CNTLN: variants seen among roughly 807,000 people sequenced by gnomAD.
CNTLN encodes centlein.
CNTLN carries 212 observed loss-of-function variants against 180.0 expected under a neutral mutation model. The ratio of observed to expected loss-of-function variants is 1.18; its 90% CI spans 1.05 to 1.32. The LOEUF is 1.32. Ranked by LOEUF, CNTLN falls within the 40% of genes most tolerant of loss-of-function variation. The pLI, the probability that CNTLN is intolerant of heterozygous loss-of-function variation, is 0.00. For missense variants in CNTLN, 2,095 were observed against 1,610.9 expected, an observed-to-expected ratio of 1.30 and a Z score of -5.14; for synonymous variants, 722 against 563.1, an observed-to-expected ratio of 1.28 and a Z score of -3.99.
At chr9:17,318,184 C>T (rs974372443) in intron 8 of CNTLN, among the ~76,000 whole-genome samples, 4 of 151,932 alleles carry the variant, frequency 2.6e-5, no homozygotes, top group South Asian at 4.2e-4. Flanking sequence ...CCCACCACCA[C>T]GCCCGGCTAA....
chr9:17,139,746 C>A (rs1253105824), intron 1 of CNTLN, among the ~76,000 whole-genome samples: 1 of 151,960 alleles, frequency 6.6e-6, no homozygotes, highest in Non-Finnish European at 1.5e-5. Context: ...CCTCTGTCAC[C>A]CACGCTGGAG....
In CNTLN at chr9:17,394,887, C is replaced by T. The variant is rs2133727264; in HGVS notation, c.2433C>T (p.Thr811=). 1 of 1,613,992 alleles carries T rather than the reference C, an allele frequency of 6.2e-7. No individual in the cohort carries two copies. Among genetic ancestry groups the T allele is most frequent in the Non-Finnish European group, 8.5e-7 (1 of 1,179,956 alleles). ...SADRAKSEMA[T]MKVRSGRYDC... is the part of the protein sequence containing the mutation. The stretch of plus-strand genomic sequence containing the variant: ...ACAGAGCTAAATCCGAGATGGCCAC[C>T]ATGAAAGTGAGATCTGGACGATATG... Residue 811 remains threonine (T), a synonymous_variant, in exon 15 of 26, where the codon ACC becomes ACT. Transcript: ENST00000380647.
rs1349360348 is a variant in CNTLN at position 17,226,306 on chromosome 9, A to G, written c.534+19A>G. ...TGAACAGGTTGGTGTTATAATAAAA[A>G]TATTTAAATTAACTATATTTGTTTT... is the stretch of plus-strand genomic sequence containing the variant. On this transcript the variant is annotated intron_variant, in intron 3 of 25. Transcript: ENST00000380647. The G allele has an allele frequency of 2.2e-6, 3 of 1,358,920 alleles. No individual in the cohort carries two copies. The highest frequency in any genetic ancestry group is 3.0e-5 in the African/African-American group (2 of 65,938). The allele number at this position is 1,358,920 out of a possible 1,614,324, so 84.2% of individuals were successfully genotyped here.
intron 18 of CNTLN, among the ~76,000 whole-genome samples, chr9:17,442,903 A>C (rs1447919349): frequency 6.6e-6 from 1 of 152,202 alleles, no homozygotes; most frequent in African/African-American, 2.4e-5. Flanking sequence ...ACAATAAAAA[A>C]GGTAAAAATT....
Position 17,416,204 on chromosome 9 carries a change from A to T in CNTLN, c.3114+15A>T. On this transcript the variant is annotated intron_variant, in intron 18 of 25. Transcript: ENST00000380647. ...AGACAATAAAGGTAAAGAGAACTTT[A>T]AGATTGAACAGTAGTATACTATATT... 1 of 1,578,972 alleles carries T rather than the reference A, an allele frequency of 6.3e-7. No homozygotes were observed. The highest frequency in any genetic ancestry group is 1.1e-5 in the South Asian group (1 of 89,336).
intron 8 of CNTLN, among the ~76,000 whole-genome samples, chr9:17,312,737 C>G (rs1819285128): frequency 1.3e-5 from 2 of 152,058 alleles, no homozygotes; most frequent in African/African-American, 4.8e-5. Context: ...GTCATAAAGC[C>G]AAGCATATTG....
intron 2 of CNTLN, among the ~76,000 whole-genome samples, chr9:17,190,836 A>T (rs1381202580): frequency 6.6e-6 from 1 of 152,194 alleles, no homozygotes; most frequent in Admixed American, 6.5e-5. Flanking sequence ...ATTAAGAACT[A>T]CCAGGGAGTT....
chr9:17,373,846 G>C (rs984357130), intron 13 of CNTLN, among the ~76,000 whole-genome samples: 2 of 152,076 alleles, frequency 1.3e-5, no homozygotes, highest in African/African-American at 4.8e-5. Flanking sequence ...TGACAGCGTT[G>C]CCAAGACATA....
At chr9:17,336,545 T>C (rs150874695) in intron 10 of CNTLN, among the ~76,000 whole-genome samples, 1,906 of 152,318 alleles carry the variant, frequency 0.013, 49 homozygotes, top group African/African-American at 0.043. Context: ...GATTTTTTCT[T>C]ATGAATTATG....
At chr9:17,257,980 A>G (rs1453257023) in intron 5 of CNTLN, among the ~76,000 whole-genome samples, 9 of 149,080 alleles carry the variant, frequency 6.0e-5, no homozygotes, top group Non-Finnish European at 1.2e-4. Context: ...TCTTTAGTTT[A>G]ATTAGATCCC....
chr9:17,358,378 T>C (rs2133360546), intron 12 of CNTLN, among the ~76,000 whole-genome samples: 1 of 152,212 alleles, frequency 6.6e-6, no homozygotes, highest in African/African-American at 2.4e-5. Context: ...ACAGTATATA[T>C]ACTATGATAT....
intron 18 of CNTLN, among the ~76,000 whole-genome samples, chr9:17,443,439 T>G (rs930207562): frequency 6.6e-6 from 1 of 152,216 alleles, no homozygotes; most frequent in Non-Finnish European, 1.5e-5. Context: ...GAAGTTGTAT[T>G]ACAATTTCAG....
chr9:17,153,703 C>T (rs1302035314), intron 2 of CNTLN, among the ~76,000 whole-genome samples: 1 of 152,268 alleles, frequency 6.6e-6, no homozygotes, highest in Admixed American at 6.5e-5. Flanking sequence ...GTTGTCCTGT[C>T]TTGCTAGGTT....
rs76299128 is a variant in CNTLN, at chr9:17,208,123, G to C, written c.450-18080G>C. 0.022 allele frequency among the ~76,000 whole-genome samples: 3,331 copies of C among 152,100 alleles called. 315 individuals carry two copies. In the East Asian group the frequency reaches 0.33, roughly 15 times the overall value. On this transcript the variant is annotated intron_variant, in intron 2 of 25. Transcript: ENST00000380647. Reference sequence around the variant, plus strand: ...TGGTTTGTCATTTATGGCTTTTATTGTGTTGAGATATGTTTCTTTTATACT... The same window carrying C: ...TGGTTTGTCATTTATGGCTTTTATTCTGTTGAGATATGTTTCTTTTATACT...
chr9:17,138,984 A>G (rs1817904854), intron 1 of CNTLN, among the ~76,000 whole-genome samples: 1 of 152,206 alleles, frequency 6.6e-6, no homozygotes, highest in African/African-American at 2.4e-5. Flanking sequence ...CCCAAGTTTA[A>G]TAAACTTTGT....
At chr9:17,188,845 AT>A (rs571123086) in intron 2 of CNTLN, among the ~76,000 whole-genome samples, 4 of 151,942 alleles carry the variant, frequency 2.6e-5, no homozygotes, top group Non-Finnish European at 5.9e-5. Context: ...AGGTTTTTGA[AT>A]TGCTTAATTT....
chr9:17,252,272 G>A (rs145994719), intron 5 of CNTLN, among the ~76,000 whole-genome samples: 1 of 151,766 alleles, frequency 6.6e-6, no homozygotes, highest in East Asian at 1.9e-4. Context: ...TGGGATTGTG[G>A]GATTGTATGG....
chr9:17,335,734 T>C (rs1189334818), intron 10 of CNTLN, among the ~76,000 whole-genome samples: 1 of 151,658 alleles, frequency 6.6e-6, no homozygotes, highest in Non-Finnish European at 1.5e-5. Context: ...GGCCAGGAGT[T>C]CAAGACCAGC....
At chr9:17,465,438 G>T (rs1831690935) in intron 21 of CNTLN, among the ~76,000 whole-genome samples, 1 of 149,722 alleles carries the variant, frequency 6.7e-6, no homozygotes, top group African/African-American at 2.4e-5. Flanking sequence ...ACATAGCCTT[G>T]GAATCTTTAT....
Sources: allele counts gnomAD v4.1 joint callset (sites outside exome capture counted in the v4.1 genomes callset), GRCh38; gene constraint gnomAD v4.1.1; transcripts MANE v1.5; gene names NCBI Gene and HGNC (gene_info 2026-07-23, HGNC 2026-07-21).